BSN: variants seen among roughly 807,000 people sequenced by gnomAD.
BSN encodes protein bassoon.
A neutral mutation model predicts 264.8 loss-of-function variants in BSN; 57 were observed. That is an observed-to-expected ratio of 0.22 (90% confidence interval 0.17 to 0.27). BSN has a LOEUF of 0.27. Ranked by LOEUF, BSN falls within the 10% of genes least tolerant of loss-of-function variation. The pLI is 1.00. For synonymous variants in BSN, 2,059 were observed against 2,137.3 expected (o/e 0.96, Z 1.01); for missense variants, 4,615 against 5,232.5 (o/e 0.88, Z 3.64).
chr3:49,650,425 T>C lies in BSN; in HGVS notation c.1519-187T>C, dbSNP rs141154592. ...TGCATTCTGACTTTGTGTGTGTTCA[T>C]CTTAAAGGTAGGGGAATTTGTTATT... On this transcript the variant is annotated intron_variant, in intron 3 of 11. Transcript: ENST00000296452. Among the ~76,000 whole-genome samples, 1,386 of 152,344 alleles carry C rather than the reference T, an allele frequency of 9.1e-3. 19 individuals are homozygous for C. The highest frequency in any genetic ancestry group is 0.032 in the African/African-American group (1,330 of 41,576).
At chr3:49,603,887 T>C (rs1483757646) in intron 1 of BSN, among the ~76,000 whole-genome samples, 1 of 152,148 alleles carries the variant, frequency 6.6e-6, no homozygotes, top group Non-Finnish European at 1.5e-5. Flanking sequence ...GCTTTCTGTC[T>C]CTATGGATTT....
intron 3 of BSN, among the ~76,000 whole-genome samples, chr3:49,646,067 A>T (rs1339416909): frequency 6.6e-6 from 1 of 152,136 alleles, no homozygotes; most frequent in Non-Finnish European, 1.5e-5. Flanking sequence ...TAGGTTGGAA[A>T]TTTTCCTGAA....
Position 49,654,048 on chromosome 3 carries a change from C to T in BSN, c.4492C>T (p.Pro1498Ser). 1 of 1,613,832 alleles carries T rather than the reference C, an allele frequency of 6.2e-7. No homozygotes were observed. ...SPTFSPGKMG[P>S]RATAEFSTQT... The stretch of plus-strand genomic sequence containing the variant: ...CACATTCTCCCCTGGCAAGATGGGC[C>T]CAAGGGCCACAGCAGAGTTCTCTAC... Residue 1498 changes from proline to serine, a missense_variant, in exon 5 of 12, where the codon CCA becomes TCA. Transcript: ENST00000296452. The surrounding 1 kb of genome is among the most constrained non-coding windows in gnomAD (Gnocchi z 4.1).
intron 1 of BSN, among the ~76,000 whole-genome samples, chr3:49,590,925 C>G (rs2051972722): frequency 6.6e-6 from 1 of 151,944 alleles, no homozygotes; most frequent in Non-Finnish European, 1.5e-5. Flanking sequence ...GGCTAACTAA[C>G]ATGGTGAAAC....
Position 49,625,287 on chromosome 3 carries a change from G to T in BSN, c.537G>T (p.Thr179=), listed in dbSNP as rs768555132. 6.2e-7 allele frequency: 1 copy of T among 1,601,478 alleles called. No homozygotes were observed. The highest frequency in any genetic ancestry group is 8.5e-7 in the Non-Finnish European group (1 of 1,173,986). ...CCATATGCAAGACTTCGGACCTCAC[G>T]TCGACCCCCAGCCAGCCAAACTTCA... is the stretch of plus-strand genomic sequence containing the variant. The part of the protein sequence containing the change: ...LCPICKTSDL[T]STPSQPNFNT... Residue 179 remains threonine (T), a synonymous_variant, in exon 2 of 12, where the codon ACG becomes ACT. Transcript: ENST00000296452. The surrounding 1 kb of genome is among the most constrained non-coding windows in gnomAD (Gnocchi z 4.4).
rs781549810 is a variant in BSN at position 49,663,113 on chromosome 3, G to A, written c.10955G>A (p.Arg3652Gln). 49 of 1,611,400 alleles carry A rather than the reference G, an allele frequency of 3.0e-5. No individual in the cohort carries two copies. Among genetic ancestry groups the A allele is most frequent in the South Asian group, 8.8e-5 (8 of 91,024 alleles). ...AKEHRHGDHG[R>Q]HSGRHTGEEP... The stretch of plus-strand genomic sequence containing the variant: ...GAACACCGGCACGGTGACCACGGGC[G>A]GCACTCAGGCCGCCACACTGGTGAG... The change falls in exon 7 of 12, where the codon CGG becomes CAG. Residue 3652 changes from arginine to glutamine, a missense_variant. This residue lies in a region of BSN where 3,415 missense variants were observed against 3,866.4 expected (regional missense o/e 0.88). Coordinates refer to ENST00000296452, the MANE Select transcript of BSN (RefSeq NM_003458.4).
At chr3:49,558,490 C>A (rs1045112041) in intron 1 of BSN, among the ~76,000 whole-genome samples, 1 of 152,234 alleles carries the variant, frequency 6.6e-6, no homozygotes, top group Non-Finnish European at 1.5e-5. Flanking sequence ...GAGAACCATA[C>A]CCCGAATTCC....
intron 5 of BSN, among the ~76,000 whole-genome samples, chr3:49,659,095 G>A (rs1218759177): frequency 6.6e-6 from 1 of 152,224 alleles, no homozygotes; most frequent in African/African-American, 2.4e-5. Flanking sequence ...AGGAGCCAGA[G>A]GCATCGTAAG....
chr3:49,660,625 T>C lies in BSN; in HGVS notation c.8780T>C (p.Leu2927Pro). 1 of 1,612,992 alleles carries C rather than the reference T, an allele frequency of 6.2e-7. No individual in the cohort carries two copies. The highest frequency in any genetic ancestry group is 1.3e-5 in the African/African-American group (1 of 75,046). Residue 2927 changes from leucine (L) to proline (P), a missense_variant, in exon 6 of 12, where the codon CTG (leucine) becomes CCG (proline). Physicochemically the swap from Leu to Pro is moderately conservative, Grantham distance 98 (BLOSUM62 -3). Around this residue, in one of 3 missense-constraint regions of BSN, gnomAD observed 3,415 missense variants for 3,866.4 expected, o/e 0.88. Transcript: ENST00000296452. The surrounding 1 kb of genome is among the most constrained non-coding windows in gnomAD (Gnocchi z 7.1). ...LYAASLLQRG[L>P]TGPTTVPATK... The stretch of plus-strand genomic sequence containing the variant: ...GCAGCCAGCCTGCTGCAGCGAGGGC[T>C]GACGGGGCCCACCACTGTCCCTGCT...
Position 49,651,191 on chromosome 3 carries a change from C to A in BSN, c.1986+112C>A. ...AGGCTCAGGACAGGTGCCTTGGGGC[C>A]ACACAGGAGGGAAGGGACACAGTAG... On this transcript the variant is annotated intron_variant, in intron 4 of 11. Transcript: ENST00000296452. This position sits in a 1 kb window ranked among gnomAD's most constrained non-coding sequence, Gnocchi z 5.4. The A allele has an allele frequency of 9.3e-7, 1 of 1,073,276 alleles. No individual in the cohort carries two copies. Among genetic ancestry groups the A allele is most frequent in the Non-Finnish European group, 1.3e-6 (1 of 765,446 alleles). 66.5% of individuals were successfully genotyped at this position (1,073,276 alleles called of 1,614,324 possible).
In BSN at chr3:49,661,444, C is replaced by T; in HGVS notation, c.9599C>T (p.Ala3200Val). The change falls in exon 6 of 12, where the codon GCT becomes GTT. Residue 3200 changes from alanine to valine, a missense_variant. Transcript: ENST00000296452. The stretch of plus-strand genomic sequence containing the variant: ...GGCAAGGTCCCTGAGGTGCCCCGGG[C>T]TGGTGACCGTGGCAGTGTGAGCCAG... ...EQGKVPEVPR[A>V]GDRGSVSQSP... is the part of the protein sequence containing the mutation. 6.2e-7 allele frequency: 1 copy of T among 1,613,768 alleles called. No homozygotes were observed. Among genetic ancestry groups the T allele is most frequent in the Non-Finnish European group, 8.5e-7 (1 of 1,179,992 alleles).
chr3:49,643,146 G>C lies in BSN; in HGVS notation c.1512G>C (p.Leu504=). The C allele has an allele frequency of 1.9e-6, 3 of 1,607,278 alleles. No individual in the cohort carries two copies. The highest frequency in any genetic ancestry group is 2.6e-6 in the Non-Finnish European group (3 of 1,175,284). The change falls in exon 3 of 12, where the codon CTG becomes CTC. Residue 504 remains leucine (L), a synonymous_variant. Transcript: ENST00000296452. ...NLCGFNPTPH[L]VEKTEWLCLN... ...GTGGCTTCAACCCAACACCCCACCT[G>C]GTGGAGGTAAGAGCTGGACCAAGCA... is the stretch of plus-strand genomic sequence containing the variant.
chr3:49,648,775 A>G (rs1018035161), intron 3 of BSN, among the ~76,000 whole-genome samples: 1 of 152,112 alleles, frequency 6.6e-6, no homozygotes, highest in African/African-American at 2.4e-5. Flanking sequence ...GATAAGGTTC[A>G]AGGGAGTCAG....
intron 1 of BSN, among the ~76,000 whole-genome samples, chr3:49,613,298 C>CAGAGAGAGAGAGAGAGAGAGAG (rs1458190477): frequency 3.9e-5 from 1 of 25,652 alleles, no homozygotes. Context: ...TATACACACA[C>CAGAGAGAGAGAGAGAGAGAGAG]AGAGCGAGAG....
At chr3:49,587,553 G>T (rs1226435811) in intron 1 of BSN, among the ~76,000 whole-genome samples, 1 of 152,188 alleles carries the variant, frequency 6.6e-6, no homozygotes, top group African/African-American at 2.4e-5. Flanking sequence ...TAGATTTATT[G>T]AAATGAAAGT....
At chr3:49,557,609 G>A (rs1004966701) in intron 1 of BSN, among the ~76,000 whole-genome samples, 2 of 135,746 alleles carry the variant, frequency 1.5e-5, no homozygotes, top group East Asian at 2.1e-4. Flanking sequence ...TTGGAGTCTC[G>A]CTCTGTCGCC....
chr3:49,563,670 C>G (rs1440552288), intron 1 of BSN, among the ~76,000 whole-genome samples: 3 of 152,204 alleles, frequency 2.0e-5, no homozygotes, highest in Admixed American at 2.0e-4. Flanking sequence ...CTGCTTCCTT[C>G]CGAAGTGTGG....
chr3:49,602,719 A>G (rs1040907848), intron 1 of BSN, among the ~76,000 whole-genome samples: 7 of 152,198 alleles, frequency 4.6e-5, no homozygotes, highest in Non-Finnish European at 7.3e-5. Context: ...TGCTGGGATT[A>G]CAGGCGTGAG....
At chr3:49,606,442 A>G (rs1378409140) in intron 1 of BSN, among the ~76,000 whole-genome samples, 5 of 148,506 alleles carry the variant, frequency 3.4e-5, no homozygotes, top group Admixed American at 2.1e-4. Flanking sequence ...AGCACCTATC[A>G]TACTCTGAAT....
Sources: gnomAD v4.1 joint callset for allele counts (sites outside exome capture counted in the v4.1 genomes callset) on GRCh38, gnomAD v4.1.1 for gene constraint, gnomAD v4.1.1 regional missense constraint, Gnocchi (gnomAD v3.1) non-coding constraint, MANE v1.5 for transcripts, NCBI Gene and HGNC (gene_info 2026-07-23, HGNC 2026-07-21) for gene names.